The following ANK3 variants were observed in gnomAD, a reference collection of about 807,000 sequenced individuals.
ANK3 encodes ankyrin-3.
ANK3 carries 57 observed loss-of-function variants against 370.9 expected under a neutral mutation model. The ratio of observed to expected loss-of-function variants is 0.15; its 90% CI spans 0.12 to 0.19. The LOEUF (loss-of-function observed/expected upper bound fraction) is 0.19. ANK3 is among the 10% of genes least tolerant of loss of function. ANK3 has a pLI of 1.00. For synonymous variants in ANK3, 1,929 were observed against 1,946.3 expected (o/e 0.99, Z 0.23); for missense variants, 4,439 against 5,302.1 (o/e 0.84, Z 5.06).
intron 11 of ANK3, among the ~76,000 whole-genome samples, chr10:60,204,498 T>C (rs2096731454): frequency 2.0e-5 from 3 of 152,226 alleles, no homozygotes; most frequent in Admixed American, 1.3e-4. Context: ...AGTATTCATA[T>C]TGTCAACCAT....
intron 1 of ANK3, among the ~76,000 whole-genome samples, chr10:60,299,015 C>A (rs900451013): frequency 6.6e-6 from 1 of 152,070 alleles, no homozygotes; most frequent in African/African-American, 2.4e-5. Context: ...TAGAGTGATA[C>A]GATTTTTAGG....
chr10:60,352,101 G>A (rs952635603), intron 1 of ANK3, among the ~76,000 whole-genome samples: 2 of 152,158 alleles, frequency 1.3e-5, no homozygotes, highest in African/African-American at 2.4e-5. Flanking sequence ...TTCGAGACCA[G>A]TCTGGCAAAC....
intron 25 of ANK3, among the ~76,000 whole-genome samples, chr10:60,132,390 T>C (rs1170541661): frequency 6.6e-6 from 1 of 152,152 alleles, no homozygotes; most frequent in Non-Finnish European, 1.5e-5. Flanking sequence ...CTCGTGATAC[T>C]GAATAAGTCT....
chr10:60,334,379 C>T (rs990068748), intron 1 of ANK3, among the ~76,000 whole-genome samples: 13 of 152,136 alleles, frequency 8.5e-5, no homozygotes, highest in East Asian at 1.9e-4. Context: ...CCCTTCCCCC[C>T]GCACCTCATA....
Position 60,320,514 on chromosome 10 carries a change from G to A in ANK3, c.115-40875C>T, listed in dbSNP as rs140602922. 1.8e-4 allele frequency among the ~76,000 whole-genome samples: 28 copies of A among 152,308 alleles called. No homozygotes were observed. The East Asian group carries it at 3.5e-3, about 19-fold the overall frequency. ...GGAGGCTGAGGCGGGCATGAGAATC[G>A]TTTGAACCTAGGAGGTGAAGGTTGC... is the stretch of plus-strand genomic sequence containing the variant. On this transcript the variant is annotated intron_variant, in intron 1 of 43. Transcript: ENST00000280772.
At chr10:60,190,620 G>C (rs1474204726) in intron 16 of ANK3, among the ~76,000 whole-genome samples, 1 of 152,190 alleles carries the variant, frequency 6.6e-6, no homozygotes, top group Non-Finnish European at 1.5e-5. Flanking sequence ...GCTGCCTGTG[G>C]CTTGAAAGTA....
intron 2 of ANK3, among the ~76,000 whole-genome samples, chr10:60,610,380 G>T (rs1595347626): frequency 6.6e-6 from 1 of 152,116 alleles, no homozygotes; most frequent in Middle Eastern, 3.4e-3. Context: ...GGGTGTAGTG[G>T]TGGGCACCTG....
intron 2 of ANK3, among the ~76,000 whole-genome samples, chr10:60,444,290 A>T (rs1055601208): frequency 1.3e-5 from 2 of 152,040 alleles, no homozygotes; most frequent in African/African-American, 4.8e-5. Flanking sequence ...ATGCTAAGTG[A>T]TTCCAAATCA....
chr10:60,077,763 G>T (rs78220995), intron 36 of ANK3, among the ~76,000 whole-genome samples: 2 of 152,112 alleles, frequency 1.3e-5, no homozygotes, highest in South Asian at 4.1e-4. Flanking sequence ...TAGGATATGT[G>T]GGGTGTGTGT....
intron 2 of ANK3, among the ~76,000 whole-genome samples, chr10:60,593,461 T>C (rs2077944968): frequency 6.6e-6 from 1 of 152,180 alleles, no homozygotes; most frequent in African/African-American, 2.4e-5. Context: ...TAATATAGAA[T>C]AATAAAAGGC....
intron 7 of ANK3, among the ~76,000 whole-genome samples, chr10:60,251,644 A>G (rs1350046203): frequency 6.6e-6 from 1 of 152,208 alleles, no homozygotes; most frequent in African/African-American, 2.4e-5. Flanking sequence ...GGTCATCAGC[A>G]AGTAGAAGTG....
intron 14 of ANK3, among the ~76,000 whole-genome samples, chr10:60,197,190 C>T (rs2096599943): frequency 6.6e-6 from 1 of 152,152 alleles, no homozygotes; most frequent in Admixed American, 6.6e-5. Context: ...ATTCTCTCAC[C>T]TTTGCCACCA....
At chr10:60,416,119 ATCTAT>A (rs2063663691) in intron 2 of ANK3, among the ~76,000 whole-genome samples, 1 of 152,050 alleles carries the variant, frequency 6.6e-6, no homozygotes, top group Admixed American at 6.6e-5. Context: ...AGAAGACACC[ATCTAT>A]GAACCAGAAA....
intron 2 of ANK3, among the ~76,000 whole-genome samples, chr10:60,542,369 A>G (rs529854640): frequency 2.0e-3 from 301 of 152,020 alleles, no homozygotes; most frequent in Non-Finnish European, 2.8e-3. Context: ...TTCCCTCAAT[A>G]CACCACTTTA....
chr10:60,397,250 A>T (rs1239730969), intron 2 of ANK3, among the ~76,000 whole-genome samples: 2 of 152,156 alleles, frequency 1.3e-5, no homozygotes, highest in Admixed American at 6.6e-5. Flanking sequence ...AATGAAAATC[A>T]GTCAAATTTC....
intron 2 of ANK3, among the ~76,000 whole-genome samples, chr10:60,438,512 G>A (rs2064214016): frequency 6.6e-6 from 1 of 152,126 alleles, no homozygotes; most frequent in African/African-American, 2.4e-5. Flanking sequence ...GCAATAAAAA[G>A]CCCAGTTTAA....
chr10:60,283,540 C>A (rs1390833244), intron 1 of ANK3, among the ~76,000 whole-genome samples: 3 of 152,092 alleles, frequency 2.0e-5, no homozygotes, highest in Non-Finnish European at 4.4e-5. Flanking sequence ...TTGTTCAGCA[C>A]TTTTTTTCCT....
At chr10:60,272,040 T>C (rs1449378040) in intron 4 of ANK3, among the ~76,000 whole-genome samples, 1 of 151,590 alleles carries the variant, frequency 6.6e-6, no homozygotes, top group East Asian at 1.9e-4. Flanking sequence ...CATGAAACAT[T>C]CTACCACATT....
At chr10:60,282,711 C>T (rs1305371590) in intron 1 of ANK3, among the ~76,000 whole-genome samples, 1 of 152,072 alleles carries the variant, frequency 6.6e-6, no homozygotes, top group Non-Finnish European at 1.5e-5. Flanking sequence ...GCTAATTGAC[C>T]ACCTCAGAAT....
Sources: gnomAD v4.1 joint callset for allele counts (sites outside exome capture counted in the v4.1 genomes callset) on GRCh38, gnomAD v4.1.1 for gene constraint, MANE v1.5 for transcripts, NCBI Gene and HGNC (gene_info 2026-07-23, HGNC 2026-07-21) for gene names.